Variants in DPP10 observed in about 807,000 individuals in gnomAD.
The protein encoded by DPP10 is dipeptidyl peptidase like 10.
In DPP10, 33 loss-of-function variants were observed where a neutral mutation model predicts 120.9. That is an observed-to-expected ratio of 0.27 (90% CI 0.21 to 0.37). The LOEUF is 0.37. Among genes scored for constraint, DPP10 ranks in the 10% least tolerant of loss-of-function variants. The pLI is 1.00. For missense variants in DPP10, 816 were observed against 942.8 expected (o/e 0.87, Z 1.76); for synonymous variants, 337 against 326.1 (o/e 1.03, Z -0.36).
chr2:114,809,267 G>T (rs765684572), intron 1 of DPP10, among the ~76,000 whole-genome samples: 1 of 152,154 alleles, frequency 6.6e-6, no homozygotes, highest in Non-Finnish European at 1.5e-5. Flanking sequence ...AGATTAGAAA[G>T]AACTATGTTT....
chr2:115,035,654 T>G (rs1704178490), intron 1 of DPP10, among the ~76,000 whole-genome samples: 1 of 152,184 alleles, frequency 6.6e-6, no homozygotes, highest in Non-Finnish European at 1.5e-5. Context: ...ATTCCTCACA[T>G]CCTTTACATT....
At chr2:115,603,074 T>G (rs973209980) in intron 5 of DPP10, among the ~76,000 whole-genome samples, 7 of 152,062 alleles carry the variant, frequency 4.6e-5, no homozygotes, top group Middle Eastern at 3.4e-3. Context: ...ATAGTTCTCT[T>G]TATCCTTGTC....
At chr2:115,401,140 A>G (rs753839912) in intron 3 of DPP10, among the ~76,000 whole-genome samples, 6 of 152,164 alleles carry the variant, frequency 3.9e-5, no homozygotes, top group South Asian at 2.1e-4. Flanking sequence ...GATTTGAGAA[A>G]CAGAAGCTGA....
At chr2:115,727,047 T>C (rs1224732788) in intron 7 of DPP10, among the ~76,000 whole-genome samples, 1 of 152,160 alleles carries the variant, frequency 6.6e-6, no homozygotes, top group Non-Finnish European at 1.5e-5. Flanking sequence ...GAAGACATTG[T>C]AAAGCGAATT....
At chr2:115,481,009 A>C (rs537890682) in intron 3 of DPP10, among the ~76,000 whole-genome samples, 2 of 151,758 alleles carry the variant, frequency 1.3e-5, no homozygotes, top group East Asian at 3.9e-4. Context: ...TAAGTATTAG[A>C]ACAATTATAT....
chr2:115,291,071 A>C (rs112795753), intron 1 of DPP10, among the ~76,000 whole-genome samples: 8,720 of 152,110 alleles, frequency 0.057, 339 homozygotes, highest in Middle Eastern at 0.1. Flanking sequence ...TAGTGTGATC[A>C]CAGCTCACTG....
intron 1 of DPP10, among the ~76,000 whole-genome samples, chr2:115,000,246 T>C (rs1264240382): frequency 6.6e-6 from 1 of 152,122 alleles, no homozygotes; most frequent in Admixed American, 6.6e-5. Flanking sequence ...TTGTAAATTT[T>C]AAAATCTAAT....
At chr2:114,936,561 A>C (rs982342953) in intron 1 of DPP10, among the ~76,000 whole-genome samples, 48 of 152,188 alleles carry the variant, frequency 3.2e-4, no homozygotes, top group African/African-American at 1.1e-3. Flanking sequence ...ATGCATGTGC[A>C]AGTATCTTTT....
At chr2:114,492,582 T>C (rs1194710204) in intron 1 of DPP10, among the ~76,000 whole-genome samples, 1 of 152,190 alleles carries the variant, frequency 6.6e-6, no homozygotes, top group African/African-American at 2.4e-5. Flanking sequence ...GTGCTTACAT[T>C]TTCTGGAAAC....
At chr2:115,813,928 T>A (rs17045058) in intron 19 of DPP10, among the ~76,000 whole-genome samples, 1 of 152,212 alleles carries the variant, frequency 6.6e-6, no homozygotes, top group Non-Finnish European at 1.5e-5. Flanking sequence ...AAATGGTCTG[T>A]AAATCTATCA....
intron 1 of DPP10, among the ~76,000 whole-genome samples, chr2:115,302,934 G>A (rs1449039348): frequency 6.6e-6 from 1 of 152,184 alleles, no homozygotes; most frequent in Middle Eastern, 3.4e-3. Flanking sequence ...AGTAGGCGGA[G>A]TAAGTATTAA....
chr2:115,820,421 A>AT lies in DPP10; in HGVS notation c.1950+4701dup, dbSNP rs577009474. 6.1e-3 allele frequency among the ~76,000 whole-genome samples: 899 copies of AT among 146,900 alleles called. 8 individuals are homozygous for AT. Among genetic ancestry groups the AT allele is most frequent in the African/African-American group, 0.016 (651 of 39,886 alleles). On this transcript the variant is annotated intron_variant, in intron 21 of 25. Transcript: ENST00000410059. ...CTTGGAATTTTTGTTTAGTGAATTG[A>AT]TTTTTTTTTCTTTTTTTTTTTTATT...
intron 1 of DPP10, chr2:114,833,786 A>G (rs1687357050): frequency 6.6e-6 from 1 of 152,194 alleles, no homozygotes; most frequent in Non-Finnish European, 1.5e-5. Context: ...GGCACGTGAT[A>G]AGAATACAAT....
At chr2:115,458,545 C>G (rs1237452622) in intron 3 of DPP10, among the ~76,000 whole-genome samples, 1 of 151,976 alleles carries the variant, frequency 6.6e-6, no homozygotes, top group Non-Finnish European at 1.5e-5. Context: ...AATGAAAAGG[C>G]AAACAATGGG....
chr2:114,988,137 A>T (rs1396492168), intron 1 of DPP10, among the ~76,000 whole-genome samples: 1 of 152,054 alleles, frequency 6.6e-6, no homozygotes, highest in Non-Finnish European at 1.5e-5. Context: ...CTTCATGTGC[A>T]TCTCCCATAA....
rs555709846 is a variant in DPP10 at position 114,600,685 on chromosome 2, A to G, written c.60+157847A>G. ...TTAATTTATTCTAATTTAGTGTTTA[A>G]TGTCCCAGTAATAATATTTCTAGCC... On this transcript the variant is annotated intron_variant, in intron 1 of 25. Transcript: ENST00000410059. 2.6e-5 allele frequency among the ~76,000 whole-genome samples: 4 copies of G among 152,008 alleles called. No homozygotes were observed. In the East Asian group the frequency reaches 5.8e-4, roughly 22 times the overall value.
chr2:115,275,583 G>A (rs2059879154), intron 1 of DPP10, among the ~76,000 whole-genome samples: 1 of 151,928 alleles, frequency 6.6e-6, no homozygotes, highest in Non-Finnish European at 1.5e-5. Flanking sequence ...GCAAAGGCAA[G>A]CCTTTCTTCT....
intron 1 of DPP10, among the ~76,000 whole-genome samples, chr2:114,724,574 A>G (rs1303023933): frequency 1.3e-5 from 2 of 152,338 alleles, no homozygotes; most frequent in South Asian, 2.1e-4. Context: ...AAGCACATGC[A>G]CAAGGGGTAA....
At chr2:115,663,111 C>G (rs1174011719) in intron 5 of DPP10, among the ~76,000 whole-genome samples, 1 of 152,036 alleles carries the variant, frequency 6.6e-6, no homozygotes, top group Non-Finnish European at 1.5e-5. Context: ...GAAAATTGAG[C>G]ATCCATCCCC....
Sources: gnomAD v4.1 joint callset for allele counts (sites outside exome capture counted in the v4.1 genomes callset) on GRCh38, gnomAD v4.1.1 for gene constraint, MANE v1.5 for transcripts, NCBI Gene and HGNC (gene_info 2026-07-23, HGNC 2026-07-21) for gene names.